The following GUCY1A2 variants were observed in gnomAD, a reference collection of about 807,000 sequenced individuals.
GUCY1A2 encodes guanylate cyclase 1 soluble subunit alpha 2, also known as guanylate cyclase soluble subunit alpha-2.
A neutral mutation model predicts 63.5 loss-of-function variants in GUCY1A2; 27 were observed. That is an observed-to-expected ratio of 0.43 (90% CI 0.31 to 0.59). The LOEUF (loss-of-function observed/expected upper bound fraction) is 0.59. Among genes scored for constraint, GUCY1A2 ranks in the 20% least tolerant of loss-of-function variants. The pLI, the probability that GUCY1A2 is intolerant of heterozygous loss-of-function variation, is 0.11. For synonymous variants in GUCY1A2, 364 were observed against 343.5 expected (o/e 1.06, Z -0.66); for missense variants, 768 against 913.3 (o/e 0.84, Z 2.05).
chr11:106,788,716 T>G (rs1419504799), intron 5 of GUCY1A2, among the ~76,000 whole-genome samples: 2 of 152,216 alleles, frequency 1.3e-5, no homozygotes, highest in East Asian at 1.9e-4. Context: ...TAACTATAGA[T>G]GTATGGCTAT....
chr11:106,992,325 CTTTTT>C lies in GUCY1A2; in HGVS notation c.304-6199_304-6195del, dbSNP rs11297661. ...ACCCTCTTGTACAAAAAGAATATGT[CTTTTT>C]TTTTTTTTTTTTTTTTTGATACCGA... On this transcript the variant is annotated intron_variant, in intron 1 of 7. Coordinates refer to ENST00000526355, the MANE Select transcript of GUCY1A2 (RefSeq NM_000855.3). Among the ~76,000 whole-genome samples the C allele has an allele frequency of 3.5e-5, 4 of 113,754 alleles. No individual in the cohort carries two copies. In the East Asian group the frequency reaches 8.3e-4, roughly 24 times the overall value. The allele number at this position is 113,754 out of a possible 152,430, so 74.6% of individuals were successfully genotyped here.
At chr11:106,785,597 T>C (rs1345522052) in intron 5 of GUCY1A2, among the ~76,000 whole-genome samples, 22 of 152,006 alleles carry the variant, frequency 1.4e-4, no homozygotes, top group Admixed American at 1.4e-3. Flanking sequence ...TATTAAATGC[T>C]TTAAATTGCA....
intron 6 of GUCY1A2, among the ~76,000 whole-genome samples, chr11:106,749,027 A>G (rs1863839352): frequency 6.6e-6 from 1 of 152,086 alleles, no homozygotes; most frequent in African/African-American, 2.4e-5. Context: ...ATCCCTTAAG[A>G]TTATAATACT....
chr11:106,837,291 T>A (rs1263913618), intron 4 of GUCY1A2, among the ~76,000 whole-genome samples: 1 of 152,036 alleles, frequency 6.6e-6, no homozygotes, highest in African/African-American at 2.4e-5. Context: ...GATAATGACC[T>A]CTAGCACCAT....
chr11:106,901,734 G>A (rs886254859), intron 4 of GUCY1A2, among the ~76,000 whole-genome samples: 12 of 149,824 alleles, frequency 8.0e-5, no homozygotes, highest in African/African-American at 2.9e-4. Flanking sequence ...AGAACACGCA[G>A]TGTTTGATTT....
At position 106,675,307 on chromosome 11, in the gene GUCY1A2, A is replaced by G. The variant is rs1445642782; in HGVS notation, c.*12242T>C. The G allele has an allele frequency of 5.1e-6, 1 of 194,696 alleles. No individual in the cohort carries two copies. The highest frequency in any genetic ancestry group is 1.1e-5 in the Non-Finnish European group (1 of 94,858). 12.1% of individuals were successfully genotyped at this position (194,696 alleles called of 1,614,324 possible). A position where few individuals can be genotyped will look rare whatever the true frequency, so the allele number is the denominator to read the frequency against. On this transcript the variant is annotated 3_prime_UTR_variant, in exon 8 of 8. Transcript: ENST00000526355. ...TTTTTAAATAAAGAAAAACCTTTCC[A>G]TCCAACTTGAAGAAAAATCAGAAAG...
At chr11:107,016,881 G>C (rs906292400) in intron 1 of GUCY1A2, among the ~76,000 whole-genome samples, 3 of 152,178 alleles carry the variant, frequency 2.0e-5, no homozygotes, top group African/African-American at 7.2e-5. Context: ...ATGAGGTACA[G>C]GTGCAAGAAG....
At position 107,017,922 on chromosome 11, in the gene GUCY1A2, G is replaced by T; in HGVS notation, c.134C>A (p.Pro45Gln). ...CWNGSRSPPGPLEPSPAAAAA... is the reference protein window; with the variant it reads ...CWNGSRSPPGQLEPSPAAAAA... ...AGCTGCGGCCGGGCTGGGCTCCAGC[G>T]GCCCGGGCGGGCTCCGGCTGCCATT... is the stretch of plus-strand genomic sequence containing the variant. The change falls in exon 1 of 8, where the codon CCG becomes CAG. Residue 45 changes from proline to glutamine, a missense_variant. Pro to Gln is a moderately conservative substitution (Grantham distance 76). This residue lies in a region of GUCY1A2 where 496 missense variants were observed against 486.9 expected (regional missense o/e 1.02). Transcript: ENST00000526355. 7.7e-7 allele frequency: 1 copy of T among 1,298,550 alleles called. No homozygotes were observed. The allele number at this position is 1,298,550 out of a possible 1,614,324, so 80.4% of individuals were successfully genotyped here. A position where few individuals can be genotyped will look rare whatever the true frequency, so the allele number is the denominator to read the frequency against.
chr11:106,907,854 C>T (rs185266255), intron 4 of GUCY1A2, among the ~76,000 whole-genome samples: 1,949 of 152,020 alleles, frequency 0.013, 26 homozygotes, highest in South Asian at 0.048. Flanking sequence ...TGAATAGTGC[C>T]GCAATAAACA....
At chr11:106,904,210 G>A (rs1444904658) in intron 4 of GUCY1A2, among the ~76,000 whole-genome samples, 1 of 152,102 alleles carries the variant, frequency 6.6e-6, no homozygotes, top group East Asian at 1.9e-4. Context: ...GAACAAAGCT[G>A]CGGCTAATTA....
intron 6 of GUCY1A2, among the ~76,000 whole-genome samples, chr11:106,757,233 T>C (rs1163446472): frequency 6.6e-6 from 1 of 152,180 alleles, no homozygotes; most frequent in East Asian, 1.9e-4. Context: ...CTGCTTATTC[T>C]AGTTAGCCAT....
At chr11:106,820,739 G>T (rs1285901166) in intron 4 of GUCY1A2, among the ~76,000 whole-genome samples, 1 of 152,094 alleles carries the variant, frequency 6.6e-6, no homozygotes, top group African/African-American at 2.4e-5. Flanking sequence ...AAGCAGAAAA[G>T]ATTTGCCTTT....
Position 106,827,087 on chromosome 11 carries a change from C to T in GUCY1A2, c.1207-16609G>A, listed in dbSNP as rs1465619602. 2.0e-6 allele frequency: 3 copies of T among 1,499,682 alleles called. No homozygotes were observed. The East Asian group carries it at 6.8e-5, about 34-fold the overall frequency. The allele number at this position is 1,499,682 out of a possible 1,614,324, so 92.9% of individuals were successfully genotyped here. A position where few individuals can be genotyped will look rare whatever the true frequency, so the allele number is the denominator to read the frequency against. ...TTTTTCTTCAAAATTCTAAACTCAT[C>T]CTGAAGGTAGATTTTCTTTACTTCA... is the stretch of plus-strand genomic sequence containing the variant. On this transcript the variant is annotated intron_variant, in intron 4 of 7. Coordinates refer to ENST00000526355, the MANE Select transcript of GUCY1A2 (RefSeq NM_000855.3).
chr11:106,677,033 G>A lies in GUCY1A2; in HGVS notation c.*10516C>T, dbSNP rs150292668. The A allele has an allele frequency of 7.3e-3, 1,571 of 213,754 alleles. 8 individuals are homozygous for A. Among genetic ancestry groups the A allele is most frequent in the Middle Eastern group, 0.018 (12 of 678 alleles). The allele number at this position is 213,754 out of a possible 1,614,324, so 13.2% of individuals were successfully genotyped here. A position where few individuals can be genotyped will look rare whatever the true frequency, so the allele number is the denominator to read the frequency against. On this transcript the variant is annotated 3_prime_UTR_variant, in exon 8 of 8. Transcript: ENST00000526355. ...CTATCCTCAACTGATCTGCATCTACGTGCTCATCTTCTTTCCCCTTTTCTC... is the reference window on the plus strand; with the variant it reads ...CTATCCTCAACTGATCTGCATCTACATGCTCATCTTCTTTCCCCTTTTCTC...
intron 6 of GUCY1A2, among the ~76,000 whole-genome samples, chr11:106,736,787 T>C (rs1268585751): frequency 6.6e-6 from 1 of 152,176 alleles, no homozygotes; most frequent in African/African-American, 2.4e-5. Flanking sequence ...CCATTTCTTG[T>C]GTGTCTTCAA....
intron 3 of GUCY1A2, among the ~76,000 whole-genome samples, chr11:106,963,888 G>C (rs1407488025): frequency 6.6e-6 from 1 of 152,020 alleles, no homozygotes; most frequent in East Asian, 1.9e-4. Context: ...AATCATTTTT[G>C]GAAATGTTTA....
chr11:106,779,717 G>T (rs1050603475), intron 5 of GUCY1A2, among the ~76,000 whole-genome samples: 3 of 152,114 alleles, frequency 2.0e-5, no homozygotes, highest in Admixed American at 1.3e-4. Context: ...AAGAATACAT[G>T]GAGATTAGTT....
At chr11:106,702,598 C>G (rs1011004123) in intron 7 of GUCY1A2, among the ~76,000 whole-genome samples, 2 of 152,048 alleles carry the variant, frequency 1.3e-5, no homozygotes, top group African/African-American at 4.8e-5. Flanking sequence ...TTCCTGTCTT[C>G]AGGAATCTAT....
intron 3 of GUCY1A2, among the ~76,000 whole-genome samples, chr11:106,966,015 G>A (rs976885823): frequency 1.3e-5 from 2 of 151,904 alleles, no homozygotes; most frequent in Non-Finnish European, 1.5e-5. Context: ...GAAATCCTAT[G>A]AGTTGCTTAA....
Sources: gnomAD v4.1 joint callset for allele counts (sites outside exome capture counted in the v4.1 genomes callset) on GRCh38, gnomAD v4.1.1 for gene constraint, gnomAD v4.1.1 regional missense constraint, MANE v1.5 for transcripts, NCBI Gene and HGNC (gene_info 2026-07-23, HGNC 2026-07-21) for gene names.